Variants in TTLL1 observed in about 807,000 individuals in gnomAD.
TTLL1 encodes the protein TTL family tubulin polyglutamylase complex subunit L1.
In TTLL1, 33 loss-of-function variants were observed where a neutral mutation model predicts 47.8. The observed-to-expected ratio is 0.69, with a 90% confidence interval of 0.52 to 0.92. The LOEUF (loss-of-function observed/expected upper bound fraction) is 0.92. Among genes scored for constraint, TTLL1 ranks in the 40% least tolerant of loss-of-function variants. The probability of loss-of-function intolerance (pLI) is 0.00; values close to 1 mark genes in which losing one functional copy is unlikely to be tolerated. For missense variants in TTLL1, 488 were observed against 547.5 expected (o/e 0.89, Z 1.08); for synonymous variants, 225 against 214.1 (o/e 1.05, Z -0.45).
intron 7 of TTLL1, among the ~76,000 whole-genome samples, chr22:43,061,360 G>A (rs1023623267): frequency 1.4e-4 from 21 of 152,210 alleles, no homozygotes; most frequent in Non-Finnish European, 2.6e-4. Flanking sequence ...CCAGCAAGGT[G>A]AACCCCTGGC....
chr22:43,076,522 T>C (rs1928503553), intron 2 of TTLL1, among the ~76,000 whole-genome samples: 1 of 149,270 alleles, frequency 6.7e-6, no homozygotes, highest in African/African-American at 2.5e-5. Flanking sequence ...GCGGCCAAGG[T>C]GGGCAGATCA....
chr22:43,079,729 G>T (rs1928756475), intron 2 of TTLL1, among the ~76,000 whole-genome samples, 173 bp downstream of exon 2: 1 of 152,356 alleles, frequency 6.6e-6, no homozygotes, highest in East Asian at 1.9e-4. Context: ...GCTTTCAGGT[G>T]TGAGACCCCA....
At chr22:43,066,113 C>T (rs949419440) in intron 5 of TTLL1, among the ~76,000 whole-genome samples, 17 of 148,836 alleles carry the variant, frequency 1.1e-4, no homozygotes, top group Admixed American at 4.7e-4. Context: ...GAGCTGAGAT[C>T]GCACCACTGC....
chr22:43,080,466 A>G (rs1020226177), intron 1 of TTLL1, among the ~76,000 whole-genome samples: 6 of 151,702 alleles, frequency 4.0e-5, no homozygotes, highest in African/African-American at 1.5e-4. Flanking sequence ...GAGTCTTCCC[A>G]TTACAGTAAG....
chr22:43,054,423 CTTTT>C (rs767193512), intron 8 of TTLL1, among the ~76,000 whole-genome samples: 2 of 139,226 alleles, frequency 1.4e-5, no homozygotes, highest in Non-Finnish European at 3.1e-5. Flanking sequence ...GACATAATCT[CTTTT>C]TTTTTTTTTT....
At chr22:43,046,793 C>T (rs1412021475) in intron 9 of TTLL1, among the ~76,000 whole-genome samples, 4 of 152,140 alleles carry the variant, frequency 2.6e-5, no homozygotes, top group Admixed American at 2.0e-4. Flanking sequence ...CCTCAGCCTC[C>T]TGAGTAGCTG....
chr22:43,054,574 G>A (rs893504724), intron 8 of TTLL1, among the ~76,000 whole-genome samples: 4 of 151,836 alleles, frequency 2.6e-5, no homozygotes, highest in Non-Finnish European at 4.4e-5. Flanking sequence ...ACAGGCATGC[G>A]CCACCACACC....
rs546474135 is a variant in TTLL1 at position 43,065,359 on chromosome 22, G to C, written c.504-1035C>G. Among the ~76,000 whole-genome samples, 264 of 149,384 alleles carry C rather than the reference G, an allele frequency of 1.8e-3. 1 individual carries two copies. Among genetic ancestry groups the C allele is most frequent in the African/African-American group, 5.9e-3 (238 of 40,656 alleles). ...GGCTGGAGTGCACTGGCGTGATCTT[G>C]GCTCACTGCAACCTCCACCTCCTGG... is the stretch of plus-strand genomic sequence containing the variant. On this transcript the variant is annotated intron_variant, in intron 5 of 10. Coordinates refer to ENST00000266254, the MANE Select transcript of TTLL1 (RefSeq NM_012263.5).
intron 10 of TTLL1, among the ~76,000 whole-genome samples, chr22:43,042,144 G>A (rs768469374): frequency 3.3e-5 from 5 of 152,178 alleles, no homozygotes; most frequent in African/African-American, 7.2e-5. Flanking sequence ...TGCAGTGACC[G>A]CCCGTCTGGT....
intron 7 of TTLL1, among the ~76,000 whole-genome samples, chr22:43,062,259 G>A (rs1246384117): frequency 1.3e-5 from 2 of 152,186 alleles, no homozygotes; most frequent in African/African-American, 4.8e-5. Flanking sequence ...TTGGGAGGCC[G>A]AGGAGGGTGG....
At chr22:43,073,327 A>G (rs9611995) in intron 3 of TTLL1, among the ~76,000 whole-genome samples, 12,100 of 53,866 alleles carry the variant, frequency 0.22, 585 homozygotes, top group South Asian at 0.27. Context: ...CGCCCGGTCT[A>G]TTTATTTATT....
intron 10 of TTLL1, among the ~76,000 whole-genome samples, chr22:43,041,058 C>T (rs1322594109): frequency 1.3e-5 from 2 of 152,200 alleles, no homozygotes; most frequent in African/African-American, 4.8e-5. Context: ...ATCCTCCCAA[C>T]TCGGGCGGCA....
chr22:43,070,828 C>CT (rs1047287562), intron 3 of TTLL1, among the ~76,000 whole-genome samples: 5 of 152,162 alleles, frequency 3.3e-5, no homozygotes, highest in African/African-American at 4.8e-5. Flanking sequence ...GTAAGATTCT[C>CT]TAACGGTTCA....
intron 9 of TTLL1, among the ~76,000 whole-genome samples, chr22:43,048,886 G>A (rs994904285): frequency 3.3e-5 from 5 of 151,322 alleles, no homozygotes; most frequent in Non-Finnish European, 7.4e-5. Context: ...GGAGTGAGCC[G>A]AGGTCGTGCC....
Position 43,040,043 on chromosome 22 carries a change from G to T in TTLL1, c.1143-138C>A, listed in dbSNP as rs925928854. 8 of 1,200,240 alleles carry T rather than the reference G, an allele frequency of 6.7e-6. No homozygotes were observed. The African/African-American group carries it at 1.1e-4, about 16-fold the overall frequency. 74.3% of individuals were successfully genotyped at this position (1,200,240 alleles called of 1,614,324 possible). On this transcript the variant is annotated intron_variant, in intron 10 of 10. Transcript: ENST00000266254. ...GGCCCCACCCTCGCGACTCCTGCTG[G>T]CTCCCGCCCACCTCCCACCTGGCTC...
chr22:43,042,799 G>C (rs538730904), intron 10 of TTLL1, among the ~76,000 whole-genome samples: 1 of 152,124 alleles, frequency 6.6e-6, no homozygotes, highest in Non-Finnish European at 1.5e-5. Context: ...GACTAGAAGC[G>C]TTTAGAGGCC....
intron 2 of TTLL1, among the ~76,000 whole-genome samples, chr22:43,076,768 A>AATT (rs1225945529): frequency 8.6e-5 from 13 of 150,736 alleles, no homozygotes; most frequent in African/African-American, 3.2e-4. Flanking sequence ...TAATAATAAT[A>AATT]ATAAATCAAA....
chr22:43,061,083 G>C (rs1323634997), intron 7 of TTLL1, among the ~76,000 whole-genome samples: 1 of 152,108 alleles, frequency 6.6e-6, no homozygotes, highest in South Asian at 2.1e-4. Flanking sequence ...CCAGTTACTC[G>C]GGGGGCTGAG....
intron 9 of TTLL1, among the ~76,000 whole-genome samples, chr22:43,047,951 CATT>C (rs1335057242): frequency 1.3e-5 from 2 of 152,268 alleles, no homozygotes; most frequent in East Asian, 3.9e-4. Flanking sequence ...GCACACATCT[CATT>C]GTCCTCAAAA....
Sources: gnomAD v4.1 joint callset for allele counts (sites outside exome capture counted in the v4.1 genomes callset) on GRCh38, gnomAD v4.1.1 for gene constraint, MANE v1.5 for transcripts, NCBI Gene and HGNC (gene_info 2026-07-23, HGNC 2026-07-21) for gene names.